ERICH1: variants seen among roughly 807,000 people sequenced by gnomAD.
The protein encoded by ERICH1 is glutamate-rich protein 1.
A neutral mutation model predicts 39.6 loss-of-function variants in ERICH1; 56 were observed. That is an observed-to-expected ratio of 1.41 (90% confidence interval 1.14 to 1.77). The LOEUF (loss-of-function observed/expected upper bound fraction) is 1.77. ERICH1 is among the 40% of genes most tolerant of loss of function. The pLI is 0.00. For synonymous variants in ERICH1, 313 were observed against 223.6 expected (o/e 1.40, Z -3.57); for missense variants, 826 against 575.4 (o/e 1.44, Z -4.45).
intron 3 of ERICH1, among the ~76,000 whole-genome samples, chr8:624,287 G>C (rs1204456781): frequency 1.3e-5 from 2 of 152,070 alleles, no homozygotes; most frequent in African/African-American, 4.8e-5. Flanking sequence ...CTGAGATGAG[G>C]AACCAAGGAA....
At chr8:628,195 G>A (rs115877467) in intron 3 of ERICH1, among the ~76,000 whole-genome samples, 1,838 of 152,320 alleles carry the variant, frequency 0.012, 42 homozygotes, top group African/African-American at 0.042. Flanking sequence ...TGGAAATTAC[G>A]AAACTACTTG....
chr8:652,201 C>T (rs955246582), intron 3 of ERICH1, among the ~76,000 whole-genome samples: 12 of 152,320 alleles, frequency 7.9e-5, no homozygotes, highest in Admixed American at 2.0e-4. Context: ...CCTCTGAATC[C>T]GACGCCTGAA....
At chr8:698,282 G>C (rs1448845141) in intron 2 of ERICH1, among the ~76,000 whole-genome samples, 2 of 150,072 alleles carry the variant, frequency 1.3e-5, no homozygotes, top group Non-Finnish European at 3.0e-5. Flanking sequence ...GCAGCGGCTC[G>C]ATCTCCGCTC....
chr8:707,662 C>G (rs558542608), intron 2 of ERICH1, among the ~76,000 whole-genome samples: 13 of 152,300 alleles, frequency 8.5e-5, no homozygotes, highest in African/African-American at 3.1e-4. Context: ...GATCAAGGAC[C>G]TACACATAAG....
chr8:642,436 C>A (rs1291639148), intron 3 of ERICH1, among the ~76,000 whole-genome samples: 1 of 143,684 alleles, frequency 7.0e-6, no homozygotes, highest in Non-Finnish European at 1.5e-5. Flanking sequence ...GCTCCTCCTC[C>A]TGGGTTCACG....
intron 5 of ERICH1, chr8:666,291 A>G (rs1411539810): frequency 6.6e-6 from 1 of 152,260 alleles, no homozygotes; most frequent in Non-Finnish European, 1.5e-5. Flanking sequence ...AATTAAAAAA[A>G]TTAAAAAGTT....
At chr8:615,165 A>T (rs960943580) in exon 4 of ERICH1, 2 of 628,700 alleles carry the variant, frequency 3.2e-6, no homozygotes, top group East Asian at 5.5e-5. Context: ...TATCACACAA[A>T]GTCGAAAGTA....
chr8:626,012 A>G (rs1420856253), intron 3 of ERICH1: 1 of 152,218 alleles, frequency 6.6e-6, no homozygotes, highest in Non-Finnish European at 1.5e-5. Context: ...TCCATTCTAC[A>G]ATAGAAAATA....
intron 1 of ERICH1, among the ~76,000 whole-genome samples, chr8:726,767 A>C (rs1429186550): frequency 1.3e-5 from 2 of 152,016 alleles, no homozygotes; most frequent in Non-Finnish European, 2.9e-5. Context: ...ACACACAGAC[A>C]CATGTACACA....
At chr8:681,240 A>C (rs1031844591) in intron 3 of ERICH1, among the ~76,000 whole-genome samples, 3 of 152,174 alleles carry the variant, frequency 2.0e-5, no homozygotes, top group African/African-American at 7.2e-5. Flanking sequence ...GAGGAGGCTG[A>C]GTCATGGTGG....
intron 3 of ERICH1, among the ~76,000 whole-genome samples, chr8:631,946 C>G (rs1342974907): frequency 6.6e-6 from 1 of 152,174 alleles, no homozygotes; most frequent in Non-Finnish European, 1.5e-5. Flanking sequence ...AAACCCTCCT[C>G]TTTTCCCAAA....
At chr8:692,445 G>C (rs1563274483) in intron 3 of ERICH1, 33 bp downstream of exon 3, 1 of 1,613,718 alleles carries the variant, frequency 6.2e-7, no homozygotes, top group Non-Finnish European at 8.5e-7. Context: ...TATCTGCAAA[G>C]ATGTCTACCT....
At chr8:719,849 CA>C (rs1469967982) in intron 1 of ERICH1, among the ~76,000 whole-genome samples, 1 of 152,184 alleles carries the variant, frequency 6.6e-6, no homozygotes, top group East Asian at 1.9e-4. Flanking sequence ...CTTTGTTGCT[CA>C]AATAGTCCCA....
intron 2 of ERICH1, among the ~76,000 whole-genome samples, chr8:715,403 C>T (rs1413204869): frequency 6.6e-6 from 1 of 152,208 alleles, no homozygotes; most frequent in Non-Finnish European, 1.5e-5. Context: ...CTGCAGCCAC[C>T]AAGAGCTTAA....
At chr8:717,626 G>A (rs1585641958) in intron 1 of ERICH1, among the ~76,000 whole-genome samples, 1 of 152,226 alleles carries the variant, frequency 6.6e-6, no homozygotes, top group South Asian at 2.1e-4. Flanking sequence ...ATCTTCATAA[G>A]CCAAAACAAA....
chr8:726,601 G>A (rs1441369932), intron 1 of ERICH1, among the ~76,000 whole-genome samples: 2 of 147,910 alleles, frequency 1.4e-5, no homozygotes, highest in African/African-American at 5.0e-5. Context: ...TACACACACA[G>A]GCACACATGC....
chr8:656,813 C>T (rs1048593325), intron 3 of ERICH1: 3 of 985,466 alleles, frequency 3.0e-6, no homozygotes, highest in Non-Finnish European at 3.6e-6. Flanking sequence ...CTCAGGACTC[C>T]CTCACTCTGA....
At chr8:712,589 C>G (rs961560458) in intron 2 of ERICH1, among the ~76,000 whole-genome samples, 11 of 152,162 alleles carry the variant, frequency 7.2e-5, no homozygotes, top group African/African-American at 2.7e-4. Flanking sequence ...ACCACCATGA[C>G]TGGCTAATTT....
rs538348240 is a variant in ERICH1, at chr8:615,603, G to C, written c.977-319C>G. The C allele has an allele frequency of 1.9e-5, 5 of 256,454 alleles. No individual in the cohort carries two copies. The South Asian group carries it at 3.1e-4, about 16-fold the overall frequency. 15.9% of individuals were successfully genotyped at this position (256,454 alleles called of 1,614,324 possible). A position where few individuals can be genotyped will look rare whatever the true frequency, so the allele number is the denominator to read the frequency against. ...TTGGCAAATGCTATGAACTATCCCT[G>C]ATCTGCCCAGGGGAGGCGTGTCTGA... is the stretch of plus-strand genomic sequence containing the variant. On this transcript the variant is annotated intron_variant, in intron 3 of 3. Coordinates refer to the ERICH1 transcript ENST00000522706.
Sources: allele counts gnomAD v4.1 joint callset (sites outside exome capture counted in the v4.1 genomes callset), GRCh38; gene constraint gnomAD v4.1.1; transcripts MANE v1.5; gene names NCBI Gene and HGNC (gene_info 2026-07-23, HGNC 2026-07-21).